Variants in DAB1 observed in about 807,000 individuals in gnomAD.
The protein encoded by DAB1 is disabled homolog 1.
Under a neutral mutation model 64.6 loss-of-function variants are expected in DAB1, and 15 were observed. The ratio of observed to expected loss-of-function variants is 0.23; its 90% CI spans 0.16 to 0.36. The LOEUF (loss-of-function observed/expected upper bound fraction) is 0.36. DAB1 is among the 10% of genes least tolerant of loss of function. The pLI, the probability that DAB1 is intolerant of heterozygous loss-of-function variation, is 1.00. For missense variants in DAB1, 596 were observed against 706.7 expected, an observed-to-expected ratio of 0.84 and a Z score of 1.78; for synonymous variants, 235 against 251.9, an observed-to-expected ratio of 0.93 and a Z score of 0.64.
At chr1:58,400,854 T>G (rs1000219021) in intron 3 of DAB1, among the ~76,000 whole-genome samples, 1 of 152,200 alleles carries the variant, frequency 6.6e-6, no homozygotes, top group African/African-American at 2.4e-5. Flanking sequence ...AATTACGCAT[T>G]TTGATATTAA....
chr1:58,181,716 T>A (rs899749089), intron 4 of DAB1, among the ~76,000 whole-genome samples: 16 of 151,156 alleles, frequency 1.1e-4, no homozygotes, highest in South Asian at 2.1e-4. Context: ...AAAATATATC[T>A]CCATTTTCTT....
intron 4 of DAB1, among the ~76,000 whole-genome samples, chr1:58,217,391 C>T (rs1658913779): frequency 6.6e-6 from 1 of 152,176 alleles, no homozygotes; most frequent in African/African-American, 2.4e-5. Context: ...TGACAGGAGT[C>T]CCCAGGGGTA....
intron 4 of DAB1, among the ~76,000 whole-genome samples, chr1:58,262,661 T>A (rs752541089): frequency 1.3e-5 from 2 of 152,186 alleles, no homozygotes; most frequent in Non-Finnish European, 2.9e-5. Context: ...ATAAATAACA[T>A]CTTCCTAAAG....
chr1:57,964,183 C>T (rs1371931934), intron 5 of DAB1, among the ~76,000 whole-genome samples: 1 of 152,118 alleles, frequency 6.6e-6, no homozygotes, highest in Non-Finnish European at 1.5e-5. Flanking sequence ...GCTCTCTTGC[C>T]CCGCAGGGTC....
At chr1:58,091,387 G>A (rs1650647336) in intron 5 of DAB1, among the ~76,000 whole-genome samples, 1 of 152,108 alleles carries the variant, frequency 6.6e-6, no homozygotes, top group African/African-American at 2.4e-5. Flanking sequence ...GTAGCTCTTA[G>A]CACATCACCA....
intron 9 of DAB1, among the ~76,000 whole-genome samples, chr1:57,039,796 A>G (rs1029505100): frequency 1.3e-5 from 2 of 152,200 alleles, no homozygotes; most frequent in Non-Finnish European, 2.9e-5. Flanking sequence ...CATTATGCAA[A>G]TAAGCTACTA....
chr1:56,999,922 C>G (rs1428071132), intron 14 of DAB1, among the ~76,000 whole-genome samples: 1 of 152,186 alleles, frequency 6.6e-6, no homozygotes, highest in African/African-American at 2.4e-5. Context: ...AGACTTTCTA[C>G]TGCCCTTGGA....
chr1:58,421,991 T>C (rs927157123), intron 3 of DAB1, among the ~76,000 whole-genome samples: 2 of 146,442 alleles, frequency 1.4e-5, no homozygotes, highest in African/African-American at 5.0e-5. Flanking sequence ...TGCTATTAAG[T>C]AGACGTCAAA....
At chr1:58,165,145 G>A (rs1655756822) in intron 4 of DAB1, among the ~76,000 whole-genome samples, 1 of 152,118 alleles carries the variant, frequency 6.6e-6, no homozygotes, top group South Asian at 2.1e-4. Flanking sequence ...ATGCCCATAG[G>A]ACCACATTAA....
chr1:58,475,784 C>T (rs1311412705), intron 3 of DAB1, among the ~76,000 whole-genome samples: 1 of 152,198 alleles, frequency 6.6e-6, no homozygotes, highest in Non-Finnish European at 1.5e-5. Context: ...GCAAATATTA[C>T]TATCCTATTT....
At chr1:57,021,818 T>C (rs1490334747) in intron 11 of DAB1, among the ~76,000 whole-genome samples, 2 of 152,086 alleles carry the variant, frequency 1.3e-5, no homozygotes, top group South Asian at 2.1e-4. Flanking sequence ...GGGGACCAAG[T>C]CATTCCTCTG....
intron 2 of DAB1, among the ~76,000 whole-genome samples, chr1:57,168,897 A>C (rs1003700762): frequency 1.3e-5 from 2 of 152,102 alleles, no homozygotes; most frequent in African/African-American, 4.8e-5. Flanking sequence ...CTCTACAAAA[A>C]ATTTAAAAAA....
chr1:57,349,429 CAAT>C lies in DAB1; in HGVS notation c.-136-58266_-136-58264del, dbSNP rs1285596661. Among the ~76,000 whole-genome samples, 4 of 152,006 alleles carry C rather than the reference CAAT, an allele frequency of 2.6e-5. No homozygotes were observed. In the South Asian group the frequency reaches 8.3e-4, roughly 32 times the overall value. On this transcript the variant is annotated intron_variant, in intron 1 of 14. Coordinates refer to ENST00000371236, the MANE Select transcript of DAB1 (RefSeq NM_001365792.1). ...ATACATTTAGCCTTTAATTTTCAGA[CAAT>C]AAGTTTCCTCCACTACACTCGAAGC...
intron 3 of DAB1, chr1:58,480,842 TGTACATGATTTGACCCTG>T: frequency 3.3e-6 from 2 of 614,282 alleles, no homozygotes; most frequent in Non-Finnish European, 5.5e-6. Flanking sequence ...ATATCTGTAA[TGTACATGATTTGACCCTG>T]AATATCCTTT....
intron 7 of DAB1, among the ~76,000 whole-genome samples, chr1:57,625,442 T>C (rs1645911020): frequency 6.6e-6 from 1 of 152,148 alleles, no homozygotes; most frequent in Non-Finnish European, 1.5e-5. Context: ...CATGGCTCCA[T>C]TTCTGCCCTT....
intron 3 of DAB1, among the ~76,000 whole-genome samples, chr1:58,395,442 A>C (rs1470802917): frequency 1.3e-5 from 2 of 152,134 alleles, no homozygotes; most frequent in African/African-American, 4.8e-5. Flanking sequence ...ATGATCTCTA[A>C]GTTTTCTTCC....
At chr1:58,447,494 T>C (rs1224373254) in intron 3 of DAB1, among the ~76,000 whole-genome samples, 1 of 152,148 alleles carries the variant, frequency 6.6e-6, no homozygotes, top group Non-Finnish European at 1.5e-5. Context: ...AAGAACCAAT[T>C]ACATGTTGGG....
intron 5 of DAB1, among the ~76,000 whole-genome samples, chr1:58,034,870 T>C (rs1647021482): frequency 1.3e-5 from 2 of 152,230 alleles, no homozygotes; most frequent in African/African-American, 4.8e-5. Flanking sequence ...TGATGGATTA[T>C]CTGCAAAACA....
intron 7 of DAB1, among the ~76,000 whole-genome samples, chr1:57,641,379 G>GTTTTTTTTTTTTTT (rs34105483): frequency 9.1e-6 from 1 of 109,968 alleles, no homozygotes; most frequent in African/African-American, 3.5e-5. Flanking sequence ...TTTTTTGTTG[G>GTTTTTTTTTTTTTT]TTTTTTTTTT....
Sources: gnomAD v4.1 joint callset for allele counts (sites outside exome capture counted in the v4.1 genomes callset) on GRCh38, gnomAD v4.1.1 for gene constraint, MANE v1.5 for transcripts, NCBI Gene and HGNC (gene_info 2026-07-23, HGNC 2026-07-21) for gene names.